The following CLMN variants were observed in gnomAD, a reference collection of about 807,000 sequenced individuals.
The protein encoded by CLMN is calmin (calponin-like, transmembrane).
CLMN carries 57 observed loss-of-function variants against 92.7 expected under a neutral mutation model. The ratio of observed to expected loss-of-function variants is 0.61; its 90% CI spans 0.50 to 0.77. CLMN has a LOEUF of 0.77. Ranked by LOEUF, CLMN falls within the 30% of genes least tolerant of loss-of-function variation. The probability of loss-of-function intolerance (pLI) is 0.00; values close to 1 mark genes in which losing one functional copy is unlikely to be tolerated. For missense variants in CLMN, 1,158 were observed against 1,237.5 expected, an observed-to-expected ratio of 0.94 and a Z score of 0.96; for synonymous variants, 466 against 470.6, an observed-to-expected ratio of 0.99 and a Z score of 0.13.
At chr14:95,303,745 C>T (rs758556372) in intron 1 of CLMN, among the ~76,000 whole-genome samples, 2 of 152,158 alleles carry the variant, frequency 1.3e-5, no homozygotes, top group Non-Finnish European at 2.9e-5. Flanking sequence ...GATGGCAGCA[C>T]CCATTTACCA....
chr14:95,270,113 G>A (rs118179413), intron 1 of CLMN, among the ~76,000 whole-genome samples: 4,514 of 152,250 alleles, frequency 0.03, 108 homozygotes, highest in Non-Finnish European at 0.044. Context: ...CAGGACTCGG[G>A]CACTTAGCAG....
chr14:95,237,232 G>A (rs367907760), intron 1 of CLMN, among the ~76,000 whole-genome samples: 10 of 152,324 alleles, frequency 6.6e-5, no homozygotes, highest in South Asian at 4.1e-4. Flanking sequence ...AGCACATCAC[G>A]GCCATGCACA....
chr14:95,196,323 TG>T (rs1896709767), intron 10 of CLMN, among the ~76,000 whole-genome samples, 174 bp downstream of exon 10: 1 of 152,220 alleles, frequency 6.6e-6, no homozygotes. Flanking sequence ...GGTCTGGTAA[TG>T]ATGAGGGTGG....
At chr14:95,226,372 GTT>G (rs937191345) in intron 2 of CLMN, among the ~76,000 whole-genome samples, 1 of 149,642 alleles carries the variant, frequency 6.7e-6, no homozygotes, top group South Asian at 2.1e-4. Context: ...TACAGATGCA[GTT>G]TTTTTTTTCT....
Position 95,214,252 on chromosome 14 carries a change from A to G in CLMN, c.418-843T>C, listed in dbSNP as rs139973204. Among the ~76,000 whole-genome samples, 544 of 151,674 alleles carry G rather than the reference A, an allele frequency of 3.6e-3. 4 individuals carry two copies. The highest frequency in any genetic ancestry group is 0.013 in the African/African-American group (523 of 41,368). On this transcript the variant is annotated intron_variant, in intron 5 of 12. Coordinates refer to ENST00000298912, the MANE Select transcript of CLMN (RefSeq NM_024734.4). The stretch of plus-strand genomic sequence containing the variant: ...TGGATTTAAGGTCTTGACTTTTACC[A>G]CATCTTCGGGATGTTTCCAGAATCT...
chr14:95,260,628 T>C (rs1375253933), intron 1 of CLMN: 2 of 152,210 alleles, frequency 1.3e-5, no homozygotes, highest in Non-Finnish European at 1.5e-5. Context: ...ACTAATATCT[T>C]ACAGTCCATG....
intron 1 of CLMN, among the ~76,000 whole-genome samples, chr14:95,301,414 T>A (rs773756015): frequency 7.2e-5 from 11 of 152,194 alleles, no homozygotes; most frequent in Non-Finnish European, 1.5e-4. Flanking sequence ...TGTTAAAACC[T>A]CCTGCCGTGT....
In CLMN at chr14:95,188,986, A is replaced by C. The variant is rs1896500702; in HGVS notation, c.*2578T>G. 1 of 151,664 alleles carries C rather than the reference A, an allele frequency of 6.6e-6. No individual in the cohort carries two copies. Among genetic ancestry groups the C allele is most frequent in the Admixed American group, 6.6e-5 (1 of 15,236 alleles). The allele number at this position is 151,664 out of a possible 1,614,324, so 9.4% of individuals were successfully genotyped here. ...TTATTAAAGAATGTGCCACACCAAA[A>C]AAAAAAAAAAAGTAAAGAGAGAGAA... On this transcript the variant is annotated 3_prime_UTR_variant, in exon 13 of 13. Transcript: ENST00000298912.
chr14:95,242,250 C>CTT (rs371417505), intron 1 of CLMN, among the ~76,000 whole-genome samples: 50 of 92,592 alleles, frequency 5.4e-4, no homozygotes, highest in East Asian at 1.4e-3. Context: ...TTTTCTTTTT[C>CTT]TTTTTTTTTT....
chr14:95,220,126 T>C (rs542338059), intron 4 of CLMN, among the ~76,000 whole-genome samples: 1 of 151,764 alleles, frequency 6.6e-6, no homozygotes, highest in Non-Finnish European at 1.5e-5. Context: ...CAGTGCTTCA[T>C]TTTTTTTAAG....
chr14:95,194,191 A>G lies in CLMN; in HGVS notation c.2770-272T>C. 2.9e-6 allele frequency: 4 copies of G among 1,398,204 alleles called. No individual in the cohort carries two copies. The highest frequency in any genetic ancestry group is 3.3e-5 in the South Asian group (2 of 61,308). 86.6% of individuals were successfully genotyped at this position (1,398,204 alleles called of 1,614,324 possible). On this transcript the variant is annotated intron_variant, in intron 11 of 12. Coordinates refer to ENST00000298912, the MANE Select transcript of CLMN (RefSeq NM_024734.4). The surrounding 1 kb of genome is among the most constrained non-coding windows in gnomAD (Gnocchi z 4.0). ...CCGGGTTCTAACACATCTGCTACTG[A>G]GCACGTGCCACTGTCCATCGGACCT...
intron 1 of CLMN, among the ~76,000 whole-genome samples, chr14:95,308,821 A>G (rs1199862818): frequency 6.6e-6 from 1 of 152,236 alleles, no homozygotes; most frequent in African/African-American, 2.4e-5. Context: ...TAGCCTGACA[A>G]GGAAGAAGCC....
intron 1 of CLMN, among the ~76,000 whole-genome samples, chr14:95,246,165 T>A (rs907581876): frequency 6.6e-6 from 1 of 152,070 alleles, no homozygotes. Flanking sequence ...AACCGAACAA[T>A]CCAGAGCCCA....
chr14:95,298,554 G>T (rs1900908550), intron 1 of CLMN, among the ~76,000 whole-genome samples: 1 of 152,144 alleles, frequency 6.6e-6, no homozygotes, highest in South Asian at 2.1e-4. Flanking sequence ...GCCAGCAACT[G>T]CCCCACCAAA....
At chr14:95,276,464 TG>T (rs1595086352) in intron 1 of CLMN, among the ~76,000 whole-genome samples, 1 of 152,266 alleles carries the variant, frequency 6.6e-6, no homozygotes, top group Non-Finnish European at 1.5e-5. Context: ...AGGGGGAACT[TG>T]GGAGCTGATG....
intron 1 of CLMN, among the ~76,000 whole-genome samples, chr14:95,272,839 T>C (rs965447169): frequency 2.6e-5 from 4 of 152,328 alleles, no homozygotes; most frequent in South Asian, 2.1e-4. Flanking sequence ...GGCCAAGATA[T>C]TGAAAACCTC....
intron 1 of CLMN, among the ~76,000 whole-genome samples, chr14:95,257,140 G>C (rs1289804691): frequency 6.6e-6 from 1 of 152,216 alleles, no homozygotes; most frequent in Non-Finnish European, 1.5e-5. Flanking sequence ...AAATTAGAAT[G>C]CGTGATCTTT....
chr14:95,210,655 T>A (rs751134579), intron 7 of CLMN, 31 bp downstream of exon 7: 121 of 1,587,618 alleles, frequency 7.6e-5, no homozygotes, highest in Non-Finnish European at 9.6e-5. Context: ...TAAAAAAAAA[T>A]TATTAGAAAG....
intron 1 of CLMN, among the ~76,000 whole-genome samples, chr14:95,308,835 C>T (rs1486928315): frequency 1.3e-5 from 2 of 152,190 alleles, no homozygotes; most frequent in Non-Finnish European, 2.9e-5. Flanking sequence ...AGAAGCCGTG[C>T]GCACGCATGG....
Sources: gnomAD v4.1 joint callset for allele counts (sites outside exome capture counted in the v4.1 genomes callset) on GRCh38, gnomAD v4.1.1 for gene constraint, Gnocchi (gnomAD v3.1) non-coding constraint, MANE v1.5 for transcripts, NCBI Gene and HGNC (gene_info 2026-07-23, HGNC 2026-07-21) for gene names.